The following PCDHGB1 variants were observed in gnomAD, a reference collection of about 807,000 sequenced individuals.
The protein encoded by PCDHGB1 is protocadherin gamma-B1.
PCDHGB1 carries 34 observed loss-of-function variants against 56.6 expected under a neutral mutation model. That is an observed-to-expected ratio of 0.60 (90% CI 0.46 to 0.80). The LOEUF (loss-of-function observed/expected upper bound fraction) is 0.80. Ranked by LOEUF, PCDHGB1 falls within the 30% of genes least tolerant of loss-of-function variation. The pLI is 0.00. For synonymous variants in PCDHGB1, 561 were observed against 505.9 expected, an observed-to-expected ratio of 1.11 and a Z score of -1.46; for missense variants, 1,278 against 1,204.6, an observed-to-expected ratio of 1.06 and a Z score of -0.90.
chr5:141,495,465 G>T (rs563411010), intron 2 of PCDHGB1, among the ~76,000 whole-genome samples: 11 of 152,298 alleles, frequency 7.2e-5, no homozygotes, highest in African/African-American at 2.4e-4. Flanking sequence ...TGTCTGTGGG[G>T]TCTCCGTGTC....
At chr5:141,459,723 T>G (rs1024452676) in intron 1 of PCDHGB1, among the ~76,000 whole-genome samples, 3 of 152,254 alleles carry the variant, frequency 2.0e-5, no homozygotes, top group African/African-American at 7.2e-5. Context: ...ATGCTTCCTA[T>G]TGTCAATTTT....
At chr5:141,379,558 A>G (rs917784555) in intron 1 of PCDHGB1, 4 of 152,206 alleles carry the variant, frequency 2.6e-5, no homozygotes, top group African/African-American at 7.2e-5. Flanking sequence ...ACTACTTTTC[A>G]TGGAGATCAG....
At position 141,490,076 on chromosome 5, in the gene PCDHGB1, A is replaced by G. The variant is rs1025569516; in HGVS notation, c.2410-4731A>G. 2.5e-6 allele frequency: 4 copies of G among 1,614,240 alleles called. No homozygotes were observed. The highest frequency in any genetic ancestry group is 1.3e-5 in the African/African-American group (1 of 75,070). Reference sequence around the variant, plus strand: ...GAGGGCACCAACGGCCAACTAGACTATTCTTTTGGAGACCACACATCTGAG... The same window carrying G: ...GAGGGCACCAACGGCCAACTAGACTGTTCTTTTGGAGACCACACATCTGAG... On this transcript the variant is annotated intron_variant, in intron 1 of 3. Coordinates refer to ENST00000523390, the MANE Select transcript of PCDHGB1 (RefSeq NM_018922.3). The surrounding 1 kb of genome is among the most constrained non-coding windows in gnomAD (Gnocchi z 5.4).
At chr5:141,373,588 T>A (rs1021552918) in intron 1 of PCDHGB1, among the ~76,000 whole-genome samples, 3 of 152,222 alleles carry the variant, frequency 2.0e-5, no homozygotes, top group African/African-American at 4.8e-5. Context: ...GGTGGTGAAA[T>A]GTGATGATAA....
intron 1 of PCDHGB1, chr5:141,423,640 T>C: frequency 6.3e-7 from 1 of 1,597,848 alleles, no homozygotes; most frequent in Non-Finnish European, 8.5e-7. Flanking sequence ...TTTAGGCAAA[T>C]GTGACCCGAC....
intron 1 of PCDHGB1, chr5:141,365,548 A>G: frequency 6.2e-7 from 1 of 1,613,806 alleles, no homozygotes; most frequent in Non-Finnish European, 8.5e-7. Flanking sequence ...ACCTATTAAC[A>G]ACTAGGGACC....
intron 1 of PCDHGB1, chr5:141,390,339 C>T: frequency 6.3e-7 from 1 of 1,591,234 alleles, no homozygotes; most frequent in Non-Finnish European, 8.6e-7. Flanking sequence ...TCCATATTCA[C>T]AAGAAAATAT....
intron 1 of PCDHGB1, chr5:141,370,493 C>G (rs1766963233): frequency 5.6e-6 from 9 of 1,613,944 alleles, no homozygotes; most frequent in Non-Finnish European, 7.6e-6. Flanking sequence ...CCGAACCGAT[C>G]CGCTACGCTA....
rs1591227595 is a variant in PCDHGB1 at position 141,432,858 on chromosome 5, T to C, written c.2410-61949T>C. ...TACCTGGTGGTAGCGGTGGCCGCGG[T>C]CTCCTGCGTCTTCCTGGCCTTCGTC... On this transcript the variant is annotated intron_variant, in intron 1 of 3. Coordinates refer to ENST00000523390, the MANE Select transcript of PCDHGB1 (RefSeq NM_018922.3). This position sits in a 1 kb window ranked among gnomAD's most constrained non-coding sequence, Gnocchi z 6.0. The C allele has an allele frequency of 1.2e-6, 2 of 1,614,140 alleles. No individual in the cohort carries two copies. Among genetic ancestry groups the C allele is most frequent in the Non-Finnish European group, 8.5e-7 (1 of 1,179,996 alleles).
In PCDHGB1 at chr5:141,403,920, A is replaced by T. The variant is rs1470961343; in HGVS notation, c.2409+51251A>T. 8.1e-6 allele frequency: 13 copies of T among 1,613,904 alleles called. No homozygotes were observed. Among genetic ancestry groups the T allele is most frequent in the Non-Finnish European group, 1.1e-5 (13 of 1,179,882 alleles). On this transcript the variant is annotated intron_variant, in intron 1 of 3. Transcript: ENST00000523390. ...TATGAAATGGAAATACAAGCTGAAG[A>T]TGGTGGGGGATTGAAAGGGTGGACA...
rs1258238617 is a variant in PCDHGB1, at chr5:141,409,461, T to A, written c.2409+56792T>A. On this transcript the variant is annotated intron_variant, in intron 1 of 3. Coordinates refer to ENST00000523390, the MANE Select transcript of PCDHGB1 (RefSeq NM_018922.3). ...CGAGAGCAGACACCAGAATACAATG[T>A]CACCATCGTAGCCACTGACAGGGGC... The A allele has an allele frequency of 5.0e-6, 8 of 1,613,928 alleles. No homozygotes were observed. In the Admixed American group the frequency reaches 1.3e-4, roughly 27 times the overall value.
intron 1 of PCDHGB1, chr5:141,374,870 G>T: frequency 6.2e-7 from 1 of 1,613,702 alleles, no homozygotes; most frequent in Non-Finnish European, 8.5e-7. Context: ...ACCAGTGTTG[G>T]CAGTGACTGC....
At chr5:141,360,213 C>CG (rs1458385233) in intron 1 of PCDHGB1, 10 of 1,613,128 alleles carry the variant, frequency 6.2e-6, no homozygotes, top group Middle Eastern at 1.7e-4. Flanking sequence ...CTTTGTTCCC[C>CG]GGGGCTCTCC....
rs764363553 is a variant in PCDHGB1 at position 141,432,120 on chromosome 5, A to C, written c.2410-62687A>C. The C allele has an allele frequency of 1.2e-6, 2 of 1,613,978 alleles. No homozygotes were observed. Among genetic ancestry groups the C allele is most frequent in the African/African-American group, 2.7e-5 (2 of 74,894 alleles). ...AACGACAACCCGCCGGTCTTCCCTC[A>C]GGCCTCCTATTCCGCTTATATCCCA... On this transcript the variant is annotated intron_variant, in intron 1 of 3. Transcript: ENST00000523390. The surrounding 1 kb of genome is among the most constrained non-coding windows in gnomAD (Gnocchi z 6.0).
intron 1 of PCDHGB1, chr5:141,361,129 A>G: frequency 6.2e-7 from 1 of 1,614,024 alleles, no homozygotes; most frequent in Non-Finnish European, 8.5e-7. Context: ...AGCCCACTGC[A>G]GTATCCAAGT....
At chr5:141,461,190 T>C (rs2099010725) in intron 1 of PCDHGB1, among the ~76,000 whole-genome samples, 1 of 152,142 alleles carries the variant, frequency 6.6e-6, no homozygotes, top group Non-Finnish European at 1.5e-5. Context: ...TAGATCTGTT[T>C]TTTGCTCTTT....
Position 141,487,779 on chromosome 5 carries a change from T to C in PCDHGB1, c.2410-7028T>C, listed in dbSNP as rs1269811316. On this transcript the variant is annotated intron_variant, in intron 1 of 3. Coordinates refer to ENST00000523390, the MANE Select transcript of PCDHGB1 (RefSeq NM_018922.3). This position sits in a 1 kb window ranked among gnomAD's most constrained non-coding sequence, Gnocchi z 5.0. ...GTAGACGCTGTGCTTTGTAACTGTT[T>C]CGTGAATTAACCAGAGTTGTCACAG... is the stretch of plus-strand genomic sequence containing the variant. 2.6e-6 allele frequency: 4 copies of C among 1,530,492 alleles called. No individual in the cohort carries two copies. The highest frequency in any genetic ancestry group is 2.6e-6 in the Non-Finnish European group (3 of 1,133,212). The allele number at this position is 1,530,492 out of a possible 1,614,324, so 94.8% of individuals were successfully genotyped here. A position where few individuals can be genotyped will look rare whatever the true frequency, so the allele number is the denominator to read the frequency against.
chr5:141,478,461 T>C, intron 1 of PCDHGB1: 1 of 1,613,254 alleles, frequency 6.2e-7, no homozygotes, highest in East Asian at 2.2e-5. Flanking sequence ...GCCAGTCCAC[T>C]GGCCAGCCGC....
chr5:141,473,382 C>A (rs780229708), intron 1 of PCDHGB1, among the ~76,000 whole-genome samples: 12 of 152,190 alleles, frequency 7.9e-5, no homozygotes, highest in Non-Finnish European at 1.8e-4. Context: ...TGGTCCCTGC[C>A]CTCCTGGAGC....
Sources: allele counts gnomAD v4.1 joint callset (sites outside exome capture counted in the v4.1 genomes callset), GRCh38; gene constraint gnomAD v4.1.1; non-coding constraint Gnocchi (gnomAD v3.1); transcripts MANE v1.5; gene names NCBI Gene and HGNC (gene_info 2026-07-23, HGNC 2026-07-21).